Variants in WIZ observed in about 807,000 individuals in gnomAD.
WIZ encodes WIZ zinc finger.
Under a neutral mutation model 140.2 loss-of-function variants are expected in WIZ, and 25 were observed. The observed-to-expected ratio is 0.18, with a 90% CI of 0.13 to 0.25. The LOEUF is 0.25. Among genes scored for constraint, WIZ ranks in the 10% least tolerant of loss-of-function variants. The pLI is 1.00. For synonymous variants in WIZ, 1,125 were observed against 1,154.3 expected, an observed-to-expected ratio of 0.97 and a Z score of 0.51; for missense variants, 2,231 against 2,632.6, an observed-to-expected ratio of 0.85 and a Z score of 3.34.
intron 2 of WIZ, among the ~76,000 whole-genome samples, chr19:15,443,074 C>G (rs1969799369): frequency 6.6e-6 from 1 of 152,142 alleles, no homozygotes; most frequent in Admixed American, 6.5e-5. Context: ...TAATAAAAAC[C>G]AGACTTCTAT....
At chr19:15,445,517 G>A (rs568419163) in intron 2 of WIZ, among the ~76,000 whole-genome samples, 22 of 152,170 alleles carry the variant, frequency 1.4e-4, no homozygotes, top group Non-Finnish European at 2.9e-4. Context: ...ATGTCTCAAG[G>A]GGGAAGCTTG....
In WIZ at chr19:15,439,842, C is replaced by T. The variant is rs1279536781; in HGVS notation, c.1152G>A (p.Glu384=). The T allele has an allele frequency of 6.5e-7, 1 of 1,530,116 alleles. No individual in the cohort carries two copies. Among genetic ancestry groups the T allele is most frequent in the Non-Finnish European group, 8.7e-7 (1 of 1,143,878 alleles). The allele number at this position is 1,530,116 out of a possible 1,614,324, so 94.8% of individuals were successfully genotyped here. ...CTGGAACTTGCTTCAGCTTTTGGAT[C>T]TCCTCAATGATCTTCTCCCGGGAGG... is the stretch of plus-strand genomic sequence containing the variant. ...HQASREKIIE[E]IQKLKQVPGD... is the part of the protein sequence containing the mutation. Residue 384 remains glutamate, a synonymous_variant, in exon 4 of 13, where the codon GAG becomes GAA. Transcript: ENST00000673675. The surrounding 1 kb of genome is among the most constrained non-coding windows in gnomAD (Gnocchi z 7.0).
rs144729168 is a variant in WIZ at position 15,431,690 on chromosome 19, A to G, written c.2741-508T>C. 3.8e-3 allele frequency among the ~76,000 whole-genome samples: 583 copies of G among 152,326 alleles called. 5 individuals are homozygous for G. Among genetic ancestry groups the G allele is most frequent in the African/African-American group, 0.013 (559 of 41,576 alleles). On this transcript the variant is annotated intron_variant, in intron 5 of 12. Coordinates refer to ENST00000673675, the MANE Select transcript of WIZ (RefSeq NM_001371589.1). Reference sequence around the variant, plus strand: ...CAAGACAGCTGGGGCTGCAGAGACAATGGGGGACCAGGGGTGGCCTACTGA... The same window carrying G: ...CAAGACAGCTGGGGCTGCAGAGACAGTGGGGGACCAGGGGTGGCCTACTGA...
At chr19:15,434,333 G>A (rs1199769736) in intron 5 of WIZ, among the ~76,000 whole-genome samples, 2 of 151,194 alleles carry the variant, frequency 1.3e-5, no homozygotes, top group South Asian at 2.1e-4. Context: ...AGGCCGAGGC[G>A]GGCGGATCAC....
In WIZ at chr19:15,421,346, T is replaced by C. The variant is rs971036008; in HGVS notation, c.*1730A>G. On this transcript the variant is annotated 3_prime_UTR_variant, in exon 13 of 13. Coordinates refer to ENST00000673675, the MANE Select transcript of WIZ (RefSeq NM_001371589.1). ...GCCAAGACCACCCTTGTGGGCGTTA[T>C]TGCAGCCTGTTAATCCCTCCTTCCC... 2.0e-5 allele frequency: 3 copies of C among 152,176 alleles called. No individual in the cohort carries two copies. The highest frequency in any genetic ancestry group is 6.5e-5 in the Admixed American group (1 of 15,274). 9.4% of individuals were successfully genotyped at this position (152,176 alleles called of 1,614,324 possible). A position where few individuals can be genotyped will look rare whatever the true frequency, so the allele number is the denominator to read the frequency against.
chr19:15,435,734 A>G (rs1969494364), intron 5 of WIZ, among the ~76,000 whole-genome samples: 1 of 151,062 alleles, frequency 6.6e-6, no homozygotes, highest in Non-Finnish European at 1.5e-5. Flanking sequence ...TCAGCAGGAG[A>G]ATCGCTGGAA....
intron 5 of WIZ, among the ~76,000 whole-genome samples, chr19:15,434,572 C>T (rs866010481): frequency 8.2e-6 from 1 of 122,328 alleles, no homozygotes; most frequent in African/African-American, 3.3e-5. Context: ...CAAGACAGAG[C>T]GAGACTCCAT....
Position 15,440,671 on chromosome 19 carries a change from G to A in WIZ, c.323C>T (p.Pro108Leu), listed in dbSNP as rs1969709460. ...TGGGAAATGGCCCAGGAGATGGGGT[G>A]GTGGGGAGCCCGGCCGGAAGTCCAG... is the stretch of plus-strand genomic sequence containing the variant. The part of the protein sequence containing the change: ...GSLDFRPGSP[P>L]PHLLGHFPGT... The change falls in exon 4 of 13, where the codon CCA (proline) becomes CTA (leucine). Residue 108 changes from proline to leucine, a missense_variant. Pro to Leu is a moderately conservative substitution (Grantham distance 98). This residue lies in a region of WIZ where 307 missense variants were observed against 294.1 expected (regional missense o/e 1.04). Transcript: ENST00000673675. The surrounding 1 kb of genome is among the most constrained non-coding windows in gnomAD (Gnocchi z 6.2). The A allele has an allele frequency of 6.6e-7, 1 of 1,518,882 alleles. No homozygotes were observed. Among genetic ancestry groups the A allele is most frequent in the Non-Finnish European group, 8.8e-7 (1 of 1,135,182 alleles). 94.1% of individuals were successfully genotyped at this position (1,518,882 alleles called of 1,614,324 possible). A position where few individuals can be genotyped will look rare whatever the true frequency, so the allele number is the denominator to read the frequency against.
At position 15,430,034 on chromosome 19, in the gene WIZ, G is replaced by C. The variant is rs1411366488; in HGVS notation, c.2967C>G (p.Gly989=). 4 of 1,535,668 alleles carry C rather than the reference G, an allele frequency of 2.6e-6. No individual in the cohort carries two copies. The South Asian group carries it at 4.8e-5, about 18-fold the overall frequency. ...VCGACFETRK[G]LSSHARSHLR... is the part of the protein sequence containing the mutation. ...GGTGGGAGCGCGCGTGGCTGGACAG[G>C]CCCTTTCGGGTCTCAAAGCAGGCAC... is the stretch of plus-strand genomic sequence containing the variant. The change falls in exon 7 of 13, where the codon GGC becomes GGG. Residue 989 remains glycine, a synonymous_variant. Transcript: ENST00000673675.
Position 15,439,129 on chromosome 19 carries a change from TCC to T in WIZ, c.1863_1864del (p.Glu622GlyfsTer15), listed in dbSNP as rs778883197. ...GGAGGTCAGCACTACATCCTCCTCC[TCC>T]TCCTCCTCCTCCTCCTCTTCGCTCC... On this transcript the variant is annotated frameshift_variant, in exon 4 of 13. Transcript: ENST00000673675. LOFTEE classifies it high-confidence loss of function. This position sits in a 1 kb window ranked among gnomAD's most constrained non-coding sequence, Gnocchi z 7.0. The T allele has an allele frequency of 3.4e-4, 488 of 1,425,540 alleles. No homozygotes were observed. Among genetic ancestry groups the T allele is most frequent in the Admixed American group, 1.7e-3 (74 of 44,562 alleles). 88.3% of individuals were successfully genotyped at this position (1,425,540 alleles called of 1,614,324 possible). A position where few individuals can be genotyped will look rare whatever the true frequency, so the allele number is the denominator to read the frequency against.
rs763355086 is a variant in WIZ, at chr19:15,437,094, G to C, written c.2452C>G (p.Arg818Gly). 6 of 1,610,296 alleles carry C rather than the reference G, an allele frequency of 3.7e-6. No homozygotes were observed. Reference protein sequence around the residue: ...NFDPGTFSLMRCDFCGAGFDT... With the variant: ...NFDPGTFSLMGCDFCGAGFDT... ...AAGCCAGCCCCGCAGAAGTCACAGC[G>C]CATCAGGCTGAAGGTGCCTGGGTCA... The change falls in exon 5 of 13, where the codon CGC becomes GGC. Residue 818 changes from arginine (R) to glycine (G), a missense_variant. Physicochemically the swap from Arg to Gly is moderately radical, Grantham distance 125. Coordinates refer to ENST00000673675, the MANE Select transcript of WIZ (RefSeq NM_001371589.1).
At position 15,437,255 on chromosome 19, in the gene WIZ, C is replaced by T. The variant is rs564594836; in HGVS notation, c.2417-126G>A. ...CCCGTGGCTGTCCCTTTTGCTCCTGCCTGCTCCTCAGCTCTCAGCTCGTGC... is the reference window on the plus strand; with the variant it reads ...CCCGTGGCTGTCCCTTTTGCTCCTGTCTGCTCCTCAGCTCTCAGCTCGTGC... On this transcript the variant is annotated intron_variant, in intron 4 of 12. Coordinates refer to ENST00000673675, the MANE Select transcript of WIZ (RefSeq NM_001371589.1). The T allele has an allele frequency of 5.5e-6, 5 of 908,656 alleles. No homozygotes were observed. In the East Asian group the frequency reaches 1.2e-4, roughly 22 times the overall value. The allele number at this position is 908,656 out of a possible 1,614,324, so 56.3% of individuals were successfully genotyped here. A position where few individuals can be genotyped will look rare whatever the true frequency, so the allele number is the denominator to read the frequency against.
intron 1 of WIZ, 106 bp downstream of exon 1, chr19:15,449,691 GC>G (rs1970054437): frequency 6.9e-5 from 2 of 28,962 alleles, no homozygotes; most frequent in African/African-American, 2.8e-4. Flanking sequence ...CCCCGCCCCC[GC>G]CCCCGCCCCG....
At chr19:15,449,729 C>G (rs1277405041) in intron 1 of WIZ, 69 bp downstream of exon 1, 2 of 145,646 alleles carry the variant, frequency 1.4e-5, no homozygotes, top group African/African-American at 5.0e-5. Flanking sequence ...CCGGCCCGGC[C>G]CGGGGCCTCC....
At chr19:15,431,265 T>C in intron 5 of WIZ, 83 bp from the exon 6 acceptor site, 5 of 1,401,132 alleles carry the variant, frequency 3.6e-6, no homozygotes, top group Non-Finnish European at 4.7e-6. Context: ...TTCTTCCTTA[T>C]CCTTGATGTC....
Position 15,422,987 on chromosome 19 carries a change from C to T in WIZ, c.*89G>A, listed in dbSNP as rs1968463494. 17 of 1,526,902 alleles carry T rather than the reference C, an allele frequency of 1.1e-5. No homozygotes were observed. The highest frequency in any genetic ancestry group is 2.3e-5 in the East Asian group (1 of 43,442). The allele number at this position is 1,526,902 out of a possible 1,614,324, so 94.6% of individuals were successfully genotyped here. A position where few individuals can be genotyped will look rare whatever the true frequency, so the allele number is the denominator to read the frequency against. ...AGGTTTTGGCTTGCTCCTTTGGAAA[C>T]GGAAAGAAAGAGGAAGAGGGACAAG... On this transcript the variant is annotated 3_prime_UTR_variant, in exon 13 of 13. Transcript: ENST00000673675.
rs1172917548 is a variant in WIZ, at chr19:15,428,207, C to G, written c.3717G>C (p.Ala1239=). The change falls in exon 8 of 13, where the codon GCG becomes GCC. Residue 1239 remains alanine (A), a synonymous_variant. Transcript: ENST00000673675. This position sits in a 1 kb window ranked among gnomAD's most constrained non-coding sequence, Gnocchi z 6.4. ...PPAKKAKLKA[A]GMASPWGKQD... The stretch of plus-strand genomic sequence containing the variant: ...GCTTCCCCCAGGGGCTGGCCATACC[C>G]GCGGCCTTCAGCTTGGCCTTCTTGG... 6.5e-7 allele frequency: 1 copy of G among 1,533,854 alleles called. No individual in the cohort carries two copies. Among genetic ancestry groups the G allele is most frequent in the Non-Finnish European group, 8.7e-7 (1 of 1,146,528 alleles).
At chr19:15,423,816 T>C (rs1599641922) in intron 12 of WIZ, among the ~76,000 whole-genome samples, 1 of 152,236 alleles carries the variant, frequency 6.6e-6, no homozygotes, top group Non-Finnish European at 1.5e-5. Flanking sequence ...ACTAGTTGAG[T>C]GCTTACTTAC....
intron 5 of WIZ, among the ~76,000 whole-genome samples, chr19:15,434,289 T>C (rs956243246): frequency 7.1e-5 from 9 of 126,916 alleles, no homozygotes; most frequent in African/African-American, 2.7e-4. Context: ...GGGCCAGGCG[T>C]GGTGGCTTAC....
Sources: gnomAD v4.1 joint callset for allele counts (sites outside exome capture counted in the v4.1 genomes callset) on GRCh38, gnomAD v4.1.1 for gene constraint, gnomAD v4.1.1 regional missense constraint, Gnocchi (gnomAD v3.1) non-coding constraint, MANE v1.5 for transcripts, NCBI Gene and HGNC (gene_info 2026-07-23, HGNC 2026-07-21) for gene names.